EPHA5: variants seen among roughly 807,000 people sequenced by gnomAD.
The protein encoded by EPHA5 is ephrin type-A receptor 5.
In EPHA5, 60 loss-of-function variants were observed where a neutral mutation model predicts 105.0. That is an observed-to-expected ratio of 0.57 (90% CI 0.46 to 0.71). The LOEUF is 0.71. EPHA5 is among the 30% of genes least tolerant of loss of function. EPHA5 has a pLI of 0.00. For synonymous variants in EPHA5, 513 were observed against 449.1 expected, an observed-to-expected ratio of 1.14 and a Z score of -1.80; for missense variants, 1,218 against 1,274.7, an observed-to-expected ratio of 0.96 and a Z score of 0.68.
Position 65,365,153 on chromosome 4 carries a change from T to C in EPHA5, c.2037A>G (p.Arg679=), listed in dbSNP as rs753208301. Residue 679 remains arginine, a synonymous_variant, in exon 11 of 17, where the codon AGA becomes AGG. Coordinates refer to ENST00000613740, the MANE Select transcript of EPHA5 (RefSeq NM_001281766.3). The part of the protein sequence containing the change: ...CSGRLKLPGK[R]ELPVAIKTLK... ...GGGTTTTGATAGCCACAGGTAATTC[T>C]CTTTTTCCTGGTAGTTTCAAACGTC... 5 of 1,611,380 alleles carry C rather than the reference T, an allele frequency of 3.1e-6. No individual in the cohort carries two copies. In the Admixed American group the frequency reaches 6.7e-5, roughly 22 times the overall value.
chr4:65,649,175 T>C (rs1319848786), intron 1 of EPHA5, among the ~76,000 whole-genome samples: 1 of 152,236 alleles, frequency 6.6e-6, no homozygotes, highest in Non-Finnish European at 1.5e-5. Context: ...ATGCTTACTA[T>C]ATGTCAGGTG....
At chr4:65,554,277 A>G (rs982397578) in intron 3 of EPHA5, among the ~76,000 whole-genome samples, 21 of 149,224 alleles carry the variant, frequency 1.4e-4, no homozygotes, top group African/African-American at 3.9e-4. Context: ...TATATAATTA[A>G]AATATCTTTT....
Position 65,601,676 on chromosome 4 carries a change from T to A in EPHA5, c.875A>T (p.Lys292Met), listed in dbSNP as rs1338085400. 1.2e-6 allele frequency: 2 copies of A among 1,614,056 alleles called. No individual in the cohort carries two copies. Among genetic ancestry groups the A allele is most frequent in the East Asian group, 4.5e-5 (2 of 44,878 alleles). The change falls in exon 3 of 17, where the codon AAG (lysine) becomes ATG (methionine). Residue 292 changes from lysine (K) to methionine (M), a missense_variant. Lys to Met is a moderately conservative substitution (Grantham distance 95, BLOSUM62 -1). This residue lies in a region of EPHA5 where 971 missense variants were observed against 1,013.5 expected (regional missense o/e 0.96). Coordinates refer to ENST00000613740, the MANE Select transcript of EPHA5 (RefSeq NM_001281766.3). ...GCCATTTTTCTCTTCATATCCTGCC[T>A]TGCACATGCATTTCCCGATGGGCAC... ...WLVPIGKCMC[K>M]AGYEEKNGTC...
intron 11 of EPHA5, among the ~76,000 whole-genome samples, chr4:65,355,484 T>C (rs1229428985): frequency 1.3e-5 from 2 of 151,628 alleles, no homozygotes; most frequent in Non-Finnish European, 3.0e-5. Context: ...AACTCTAAAA[T>C]AGACACAGTT....
At chr4:65,339,980 G>C (rs544502123) in intron 14 of EPHA5, among the ~76,000 whole-genome samples, 1 of 152,210 alleles carries the variant, frequency 6.6e-6, no homozygotes, top group Admixed American at 6.5e-5. Flanking sequence ...ACAAAATTAT[G>C]TTATTTCAAG....
chr4:65,566,964 G>C (rs1195217402), intron 3 of EPHA5, among the ~76,000 whole-genome samples: 1 of 151,272 alleles, frequency 6.6e-6, no homozygotes, highest in Middle Eastern at 3.2e-3. Context: ...ACCTCTTATA[G>C]GTCTTATATA....
chr4:65,377,139 T>A lies in EPHA5; in HGVS notation c.1794-9715A>T, dbSNP rs1719091787. ...AAATATAGCATAAAGACACTATGAA[T>A]TTACTCAGGTGTCTGCTTTCCTTTT... On this transcript the variant is annotated intron_variant, in intron 8 of 16. Transcript: ENST00000613740. 3 of 1,352,952 alleles carry A rather than the reference T, an allele frequency of 2.2e-6. No individual in the cohort carries two copies. In the Admixed American group the frequency reaches 7.5e-5, roughly 34 times the overall value. The allele number at this position is 1,352,952 out of a possible 1,614,324, so 83.8% of individuals were successfully genotyped here.
intron 1 of EPHA5, among the ~76,000 whole-genome samples, chr4:65,668,781 G>A (rs528920301): frequency 3.3e-5 from 5 of 152,162 alleles, no homozygotes; most frequent in African/African-American, 2.4e-5. Context: ...GCCAGAGCAG[G>A]TCTTTTCCGT....
intron 3 of EPHA5, among the ~76,000 whole-genome samples, chr4:65,578,133 C>A (rs1030900986): frequency 6.6e-6 from 1 of 152,140 alleles, no homozygotes; most frequent in African/African-American, 2.4e-5. Flanking sequence ...AAACACCACA[C>A]CCTCTCCAAA....
chr4:65,351,374 T>C lies in EPHA5; in HGVS notation c.2445+15A>G, dbSNP rs1280835926. ...TCTGGTCTAGTGTTTAGAAATGCAC[T>C]CTGTTAGATCTTACCCTTGTGGTGT... On this transcript the variant is annotated intron_variant, in intron 13 of 16. Coordinates refer to ENST00000613740, the MANE Select transcript of EPHA5 (RefSeq NM_001281766.3). 1.2e-6 allele frequency: 2 copies of C among 1,610,802 alleles called. No homozygotes were observed. Among genetic ancestry groups the C allele is most frequent in the African/African-American group, 1.3e-5 (1 of 74,818 alleles).
chr4:65,376,171 A>G (rs1445140233), intron 8 of EPHA5, among the ~76,000 whole-genome samples: 1 of 151,964 alleles, frequency 6.6e-6, no homozygotes, highest in East Asian at 1.9e-4. Context: ...GCCCCTAGGA[A>G]ACTCTATAGT....
chr4:65,637,834 G>T (rs1209389960), intron 2 of EPHA5, among the ~76,000 whole-genome samples: 1 of 151,806 alleles, frequency 6.6e-6, no homozygotes, highest in Non-Finnish European at 1.5e-5. Context: ...TCTATTACAA[G>T]CCAGAAATTG....
rs1013016630 is a variant in EPHA5, at chr4:65,585,923, CT to C, written c.910+15717del. Reference sequence around the variant, plus strand: ...CTGGAAAAAAATGCCTGCAGCCTTACTTTTTTTTCTACGTCAAATACACTGA... The same window carrying C: ...CTGGAAAAAAATGCCTGCAGCCTTACTTTTTTTCTACGTCAAATACACTGA... On this transcript the variant is annotated intron_variant, in intron 3 of 16. Coordinates refer to ENST00000613740, the MANE Select transcript of EPHA5 (RefSeq NM_001281766.3). Among the ~76,000 whole-genome samples, 134 of 151,146 alleles carry C rather than the reference CT, an allele frequency of 8.9e-4. 1 individual carries two copies. Among genetic ancestry groups the C allele is most frequent in the African/African-American group, 2.9e-3 (121 of 41,306 alleles).
intron 3 of EPHA5, among the ~76,000 whole-genome samples, chr4:65,568,183 C>G (rs1739755258): frequency 6.6e-6 from 1 of 151,362 alleles, no homozygotes; most frequent in Admixed American, 6.6e-5. Context: ...TTTCAAACAA[C>G]TTTTAATTTT....
intron 5 of EPHA5, among the ~76,000 whole-genome samples, chr4:65,451,757 A>G (rs1222367758): frequency 6.6e-6 from 1 of 152,122 alleles, no homozygotes; most frequent in Non-Finnish European, 1.5e-5. Context: ...AGATATTCAT[A>G]TATGTATAAA....
chr4:65,421,839 G>A (rs1221205454), intron 5 of EPHA5, among the ~76,000 whole-genome samples: 1 of 152,014 alleles, frequency 6.6e-6, no homozygotes, highest in Non-Finnish European at 1.5e-5. Context: ...ATTGATGGAT[G>A]GATGGATGAA....
intron 3 of EPHA5, among the ~76,000 whole-genome samples, chr4:65,596,776 G>A (rs1159001462): frequency 6.6e-6 from 1 of 151,830 alleles, no homozygotes; most frequent in Non-Finnish European, 1.5e-5. Context: ...TTCAAATTTT[G>A]AAATTAAAAT....
At chr4:65,399,716 A>T (rs1379416938) in intron 8 of EPHA5, among the ~76,000 whole-genome samples, 1 of 152,218 alleles carries the variant, frequency 6.6e-6, no homozygotes, top group East Asian at 1.9e-4. Flanking sequence ...TTTACTTCTA[A>T]TTGTGTATGT....
In EPHA5 at chr4:65,489,332, A is replaced by G. The variant is rs1731190087; in HGVS notation, c.1402+1045T>C. ...CATCAAGGCTAGCATCCCGCAACCT[A>G]CAAACTTACACTAATATTGTATAAA... On this transcript the variant is annotated intron_variant, in intron 5 of 16. Coordinates refer to ENST00000613740, the MANE Select transcript of EPHA5 (RefSeq NM_001281766.3). Among the ~76,000 whole-genome samples the G allele has an allele frequency of 4.6e-5, 7 of 152,318 alleles. No individual in the cohort carries two copies. In the South Asian group the frequency reaches 1.4e-3, roughly 32 times the overall value.
Sources: allele counts gnomAD v4.1 joint callset (sites outside exome capture counted in the v4.1 genomes callset), GRCh38; gene constraint gnomAD v4.1.1; regional missense constraint gnomAD v4.1.1; transcripts MANE v1.5; gene names NCBI Gene and HGNC (gene_info 2026-07-23, HGNC 2026-07-21).